The following GAP43 variants were observed in gnomAD, a reference collection of about 807,000 sequenced individuals.
The protein encoded by GAP43 is growth associated protein 43, also known as neuromodulin.
Under a neutral mutation model 18.6 loss-of-function variants are expected in GAP43, and 6 were observed. That is an observed-to-expected ratio of 0.32 (90% CI 0.18 to 0.64). The LOEUF is 0.64. Ranked by LOEUF, GAP43 falls within the 30% of genes least tolerant of loss-of-function variation. GAP43 has a pLI of 0.78. For missense variants in GAP43, 292 were observed against 295.5 expected, an observed-to-expected ratio of 0.99 and a Z score of 0.09; for synonymous variants, 115 against 111.4, an observed-to-expected ratio of 1.03 and a Z score of -0.20.
intron 2 of GAP43, among the ~76,000 whole-genome samples, chr3:115,710,146 G>A (rs1709415463): frequency 1.3e-5 from 2 of 152,062 alleles, no homozygotes; most frequent in African/African-American, 4.8e-5. Flanking sequence ...ACTATAATGT[G>A]CCAAGCAGTG....
At chr3:115,697,027 T>C (rs1266302991) in intron 2 of GAP43, among the ~76,000 whole-genome samples, 1 of 151,790 alleles carries the variant, frequency 6.6e-6, no homozygotes, top group African/African-American at 2.4e-5. Flanking sequence ...TGTATTTAGA[T>C]GGGGCTCCAC....
At chr3:115,702,457 A>T (rs1284242650) in intron 2 of GAP43, among the ~76,000 whole-genome samples, 1 of 152,146 alleles carries the variant, frequency 6.6e-6, no homozygotes, top group African/African-American at 2.4e-5. Flanking sequence ...AAAAGCTAGA[A>T]AACAGCAGAA....
intron 1 of GAP43, among the ~76,000 whole-genome samples, chr3:115,626,732 C>A (rs1334517014): frequency 6.6e-6 from 1 of 152,124 alleles, no homozygotes; most frequent in Non-Finnish European, 1.5e-5. Flanking sequence ...TAAAGAATTT[C>A]ATGCAAGCAA....
At chr3:115,683,149 A>G (rs6804591) in intron 2 of GAP43, among the ~76,000 whole-genome samples, 2,007 of 68,668 alleles carry the variant, frequency 0.029, 32 homozygotes, top group African/African-American at 0.072. Flanking sequence ...GCGCGCGCGC[A>G]CACACACACA....
At chr3:115,646,210 G>C (rs752913373) in intron 1 of GAP43, among the ~76,000 whole-genome samples, 1 of 152,098 alleles carries the variant, frequency 6.6e-6, no homozygotes, top group African/African-American at 2.4e-5. Flanking sequence ...CCACCAATCT[G>C]TCCAACATTT....
intron 1 of GAP43, among the ~76,000 whole-genome samples, chr3:115,633,052 G>A (rs1708279657): frequency 6.6e-6 from 1 of 151,788 alleles, no homozygotes; most frequent in African/African-American, 2.4e-5. Flanking sequence ...TATGAAATTA[G>A]TAAGTTGAAC....
intron 1 of GAP43, among the ~76,000 whole-genome samples, chr3:115,626,237 A>G (rs1708186267): frequency 6.6e-6 from 1 of 152,212 alleles, no homozygotes; most frequent in Non-Finnish European, 1.5e-5. Flanking sequence ...TTAACAGGGA[A>G]TAAAACAAGG....
At chr3:115,662,018 G>A (rs1271842479) in intron 1 of GAP43, among the ~76,000 whole-genome samples, 1 of 151,744 alleles carries the variant, frequency 6.6e-6, no homozygotes, top group Non-Finnish European at 1.5e-5. Flanking sequence ...AAGGGGAAGG[G>A]CATATTGTAA....
chr3:115,715,324 G>A (rs1056073885), intron 2 of GAP43, among the ~76,000 whole-genome samples: 3 of 152,162 alleles, frequency 2.0e-5, no homozygotes, highest in South Asian at 2.1e-4. Context: ...CATATTCTAC[G>A]CTTCGCCTTG....
Position 115,640,759 on chromosome 3 carries a change from G to T in GAP43, c.30+17040G>T, listed in dbSNP as rs150230351. ...TTCCAGTGAAGGGTCAAGAGGTCAG[G>T]TCTATGTTGGCACAAGAAAATGGGA... On this transcript the variant is annotated intron_variant, in intron 1 of 2. Transcript: ENST00000305124. Among the ~76,000 whole-genome samples the T allele has an allele frequency of 7.5e-4, 114 of 152,112 alleles. 3 individuals are homozygous for T. The East Asian group carries it at 0.019, about 25-fold the overall frequency.
Position 115,676,356 on chromosome 3 carries a change from C to T in GAP43, c.374C>T (p.Pro125Leu), listed in dbSNP as rs750477650. ...GATGCTGCCACAGAGCAGGCAGCCC[C>T]CCAGGCTCCTGCATCCTCAGAGGAG... ...EGDAATEQAA[P>L]QAPASSEEKA... Residue 125 changes from proline (P) to leucine (L), a missense_variant, in exon 2 of 3, where the codon CCC (proline) becomes CTC (leucine). Coordinates refer to ENST00000305124, the MANE Select transcript of GAP43 (RefSeq NM_002045.4). 6 of 1,613,952 alleles carry T rather than the reference C, an allele frequency of 3.7e-6. No homozygotes were observed. Among genetic ancestry groups the T allele is most frequent in the South Asian group, 1.1e-5 (1 of 91,084 alleles).
chr3:115,673,227 G>A (rs1401412398), intron 1 of GAP43, among the ~76,000 whole-genome samples: 2 of 152,088 alleles, frequency 1.3e-5, no homozygotes, highest in Non-Finnish European at 2.9e-5. Flanking sequence ...TTAAGAAATT[G>A]AGAGAGAGAG....
At chr3:115,706,399 G>T (rs554428497) in intron 2 of GAP43, among the ~76,000 whole-genome samples, 40 of 33,072 alleles carry the variant, frequency 1.2e-3, no homozygotes, top group Admixed American at 5.6e-3. Flanking sequence ...TACCCAGCTG[G>T]GGGGTAGGCT....
intron 2 of GAP43, among the ~76,000 whole-genome samples, chr3:115,691,007 G>A (rs1296601964): frequency 2.6e-5 from 4 of 151,404 alleles, no homozygotes; most frequent in East Asian, 3.9e-4. Context: ...CACCCGCCTC[G>A]GCCTCCCAAA....
intron 1 of GAP43, among the ~76,000 whole-genome samples, chr3:115,633,220 C>T (rs1425172570): frequency 6.6e-6 from 1 of 151,582 alleles, no homozygotes; most frequent in African/African-American, 2.4e-5. Flanking sequence ...GAGAGACAGA[C>T]AAAGGGAGAG....
At chr3:115,675,871 T>A (rs1708876886) in intron 1 of GAP43, 142 bp from the exon 2 acceptor site, 1 of 1,181,056 alleles carries the variant, frequency 8.5e-7, no homozygotes, top group East Asian at 2.7e-5. Flanking sequence ...GATTTGAACT[T>A]CCAGGGTACT....
chr3:115,713,238 GA>G (rs1474673748), intron 2 of GAP43, among the ~76,000 whole-genome samples: 2 of 152,142 alleles, frequency 1.3e-5, no homozygotes, highest in Admixed American at 6.5e-5. Context: ...CAAGAAAGAT[GA>G]AAATAAAAAG....
intron 2 of GAP43, among the ~76,000 whole-genome samples, chr3:115,702,341 A>G (rs1355041369): frequency 6.6e-6 from 1 of 152,048 alleles, no homozygotes; most frequent in Non-Finnish European, 1.5e-5. Context: ...ATTAGAGGGA[A>G]TGAGTTTTCT....
intron 2 of GAP43, among the ~76,000 whole-genome samples, chr3:115,696,250 G>A (rs1368875095): frequency 3.3e-5 from 5 of 151,702 alleles, no homozygotes; most frequent in African/African-American, 4.8e-5. Flanking sequence ...TCCTTCTCCC[G>A]TCTTTCTCAT....
Sources: gnomAD v4.1 joint callset for allele counts (sites outside exome capture counted in the v4.1 genomes callset) on GRCh38, gnomAD v4.1.1 for gene constraint, MANE v1.5 for transcripts, NCBI Gene and HGNC (gene_info 2026-07-23, HGNC 2026-07-21) for gene names.